The following PARM1 variants were observed in gnomAD, a reference collection of about 807,000 sequenced individuals.
The protein encoded by PARM1 is prostate androgen-regulated mucin-like protein 1.
Under a neutral mutation model 24.6 loss-of-function variants are expected in PARM1, and 14 were observed. The observed-to-expected ratio is 0.57, with a 90% CI of 0.38 to 0.89. The LOEUF (loss-of-function observed/expected upper bound fraction) is 0.89. Among genes scored for constraint, PARM1 ranks in the 40% least tolerant of loss-of-function variants. PARM1 has a pLI of 0.00. For synonymous variants in PARM1, 179 were observed against 156.6 expected, an observed-to-expected ratio of 1.14 and a Z score of -1.07; for missense variants, 362 against 380.4, an observed-to-expected ratio of 0.95 and a Z score of 0.40.
chr4:75,034,472 T>TC (rs1425100788), intron 3 of PARM1, among the ~76,000 whole-genome samples: 2 of 152,256 alleles, frequency 1.3e-5, no homozygotes, highest in Non-Finnish European at 2.9e-5. Flanking sequence ...AACCGTTTTT[T>TC]CTCCTGAGAT....
At chr4:74,984,194 T>C (rs1363431206) in intron 1 of PARM1, among the ~76,000 whole-genome samples, 2 of 152,184 alleles carry the variant, frequency 1.3e-5, no homozygotes, top group Non-Finnish European at 2.9e-5. Context: ...GGAAACTGCA[T>C]GCTCCTCTGA....
intron 3 of PARM1, among the ~76,000 whole-genome samples, chr4:75,034,356 G>A (rs1024329741): frequency 3.3e-5 from 5 of 152,166 alleles, no homozygotes; most frequent in Admixed American, 2.6e-4. Flanking sequence ...AAATTCTGAT[G>A]TTCTGAATAC....
At chr4:75,045,884 C>T (rs1265958470) in intron 3 of PARM1, among the ~76,000 whole-genome samples, 1 of 152,140 alleles carries the variant, frequency 6.6e-6, no homozygotes, top group Non-Finnish European at 1.5e-5. Flanking sequence ...ATGGGGCCTC[C>T]TCTTCCTTCC....
At chr4:74,943,331 A>G (rs1721349936) in intron 1 of PARM1, among the ~76,000 whole-genome samples, 1 of 152,206 alleles carries the variant, frequency 6.6e-6, no homozygotes, top group Admixed American at 6.5e-5. Context: ...TTGTGGGCAC[A>G]TGAGGGTACT....
chr4:74,973,105 G>T (rs531907724), intron 1 of PARM1, among the ~76,000 whole-genome samples: 20 of 152,130 alleles, frequency 1.3e-4, no homozygotes, highest in Admixed American at 1.3e-3. Flanking sequence ...CACATGGGAG[G>T]TATTTAAATT....
chr4:74,942,239 T>G (rs1324793276), intron 1 of PARM1, among the ~76,000 whole-genome samples: 1 of 152,260 alleles, frequency 6.6e-6, no homozygotes, highest in Admixed American at 6.5e-5. Context: ...CCCCAGCACG[T>G]AGAACAGAGC....
intron 1 of PARM1, among the ~76,000 whole-genome samples, chr4:74,949,759 A>G (rs956090850): frequency 6.6e-6 from 1 of 152,228 alleles, no homozygotes; most frequent in African/African-American, 2.4e-5. Flanking sequence ...GACAGTAAAC[A>G]TGAGATGGCA....
chr4:75,020,446 G>C (rs1233132100), intron 2 of PARM1, among the ~76,000 whole-genome samples: 3 of 151,688 alleles, frequency 2.0e-5, no homozygotes, highest in South Asian at 2.1e-4. Flanking sequence ...TTTTATCTCA[G>C]AGCTCCCATA....
In PARM1 at chr4:74,933,300, C is replaced by G. The variant is rs767894277; in HGVS notation, c.-28C>G. On this transcript the variant is annotated 5_prime_UTR_variant, in exon 1 of 4. Coordinates refer to ENST00000307428, the MANE Select transcript of PARM1 (RefSeq NM_015393.4). ...TCCGCAAACTCCTTGCCGCCCGCCC[C>G]GGGCTGGGCACCAAATACCAGGCTA... is the stretch of plus-strand genomic sequence containing the variant. 2.5e-6 allele frequency: 4 copies of G among 1,605,616 alleles called. No individual in the cohort carries two copies. The Admixed American group carries it at 5.1e-5, about 20-fold the overall frequency.
intron 1 of PARM1, among the ~76,000 whole-genome samples, chr4:74,983,164 G>A (rs1319073609): frequency 1.3e-5 from 2 of 152,186 alleles, no homozygotes; most frequent in Non-Finnish European, 2.9e-5. Context: ...GCATTCATCT[G>A]ACCCACCCCT....
chr4:75,020,329 C>T (rs1723067664), intron 2 of PARM1, among the ~76,000 whole-genome samples: 1 of 152,086 alleles, frequency 6.6e-6, no homozygotes, highest in Non-Finnish European at 1.5e-5. Context: ...TGAGTGTCAC[C>T]ACCATCTTTT....
chr4:74,970,737 C>T (rs1407667440), intron 1 of PARM1, among the ~76,000 whole-genome samples: 1 of 152,172 alleles, frequency 6.6e-6, no homozygotes, highest in Non-Finnish European at 1.5e-5. Flanking sequence ...TTCAGGGCAG[C>T]AATTTAATTT....
intron 2 of PARM1, among the ~76,000 whole-genome samples, chr4:75,025,708 A>G (rs997114218): frequency 2.6e-5 from 4 of 152,192 alleles, no homozygotes; most frequent in African/African-American, 9.7e-5. Context: ...GCGCAAGTGC[A>G]AGTATTTTAT....
At chr4:75,020,717 C>T (rs566498844) in intron 2 of PARM1, among the ~76,000 whole-genome samples, 2 of 152,176 alleles carry the variant, frequency 1.3e-5, no homozygotes, top group Non-Finnish European at 2.9e-5. Flanking sequence ...CTCTCTGCAC[C>T]ACCCACACTG....
intron 1 of PARM1, among the ~76,000 whole-genome samples, chr4:74,977,453 G>C (rs2109769584): frequency 6.6e-6 from 1 of 152,172 alleles, no homozygotes; most frequent in Admixed American, 6.5e-5. Context: ...GATAACTATG[G>C]GATGGGATTA....
intron 2 of PARM1, among the ~76,000 whole-genome samples, chr4:75,021,560 G>A (rs1227800635): frequency 6.6e-6 from 1 of 151,846 alleles, no homozygotes; most frequent in Non-Finnish European, 1.5e-5. Flanking sequence ...TGTTACTGAG[G>A]TAATAAGCAT....
At chr4:74,945,235 T>G (rs897561000) in intron 1 of PARM1, among the ~76,000 whole-genome samples, 2 of 152,182 alleles carry the variant, frequency 1.3e-5, no homozygotes, top group African/African-American at 4.8e-5. Context: ...ATCTGATGAG[T>G]GAACGTTGGG....
chr4:75,016,928 T>A (rs1325209452), intron 2 of PARM1, among the ~76,000 whole-genome samples: 1 of 152,182 alleles, frequency 6.6e-6, no homozygotes, highest in Non-Finnish European at 1.5e-5. Context: ...TCATCTCCAC[T>A]GGGTGGCTCA....
intron 1 of PARM1, among the ~76,000 whole-genome samples, chr4:75,005,775 A>G (rs1220145168): frequency 6.6e-6 from 1 of 152,250 alleles, no homozygotes; most frequent in African/African-American, 2.4e-5. Context: ...TCCGTCAGCT[A>G]TTCTTGCAGC....
Sources: gnomAD v4.1 joint callset for allele counts (sites outside exome capture counted in the v4.1 genomes callset) on GRCh38, gnomAD v4.1.1 for gene constraint, MANE v1.5 for transcripts, NCBI Gene and HGNC (gene_info 2026-07-23, HGNC 2026-07-21) for gene names.